Variants in XKR6 observed in about 807,000 individuals in gnomAD.
The protein encoded by XKR6 is XK-related protein 6.
XKR6 carries 22 observed loss-of-function variants against 56.7 expected under a neutral mutation model. The observed-to-expected ratio is 0.39, with a 90% CI of 0.28 to 0.55. The LOEUF is 0.55. Ranked by LOEUF, XKR6 falls within the 20% of genes least tolerant of loss-of-function variation. The probability of loss-of-function intolerance (pLI) is 0.66; values close to 1 mark genes in which losing one functional copy is unlikely to be tolerated. For missense variants in XKR6, 852 were observed against 889.0 expected (o/e 0.96, Z 0.53); for synonymous variants, 524 against 387.8 (o/e 1.35, Z -4.13).
At chr8:11,161,028 C>T (rs1405875236) in intron 1 of XKR6, among the ~76,000 whole-genome samples, 2 of 151,770 alleles carry the variant, frequency 1.3e-5, no homozygotes, top group African/African-American at 2.4e-5. Flanking sequence ...CCCTTCTAAC[C>T]TTAAGATTTT....
At chr8:10,924,556 C>A in intron 2 of XKR6, 78 bp downstream of exon 2, 3 of 1,519,494 alleles carry the variant, frequency 2.0e-6, no homozygotes, top group Non-Finnish European at 2.7e-6. Flanking sequence ...GTGCCAGGCA[C>A]GAAGTGTGTG....
chr8:11,043,997 A>G (rs1799348037), intron 1 of XKR6, among the ~76,000 whole-genome samples: 1 of 152,324 alleles, frequency 6.6e-6, no homozygotes, highest in Middle Eastern at 3.4e-3. Flanking sequence ...GCTAAACAAC[A>G]CTTGCCTCAA....
At chr8:11,027,916 C>G (rs940286997) in intron 1 of XKR6, among the ~76,000 whole-genome samples, 11 of 152,202 alleles carry the variant, frequency 7.2e-5, no homozygotes, top group African/African-American at 2.4e-4. Flanking sequence ...TCCCACCCCT[C>G]CAGAGTGGTG....
chr8:11,176,146 A>T (rs566873155), intron 1 of XKR6, among the ~76,000 whole-genome samples: 2 of 152,344 alleles, frequency 1.3e-5, no homozygotes, highest in African/African-American at 4.8e-5. Flanking sequence ...AGCATCTTTA[A>T]AACACCTTTA....
intron 1 of XKR6, among the ~76,000 whole-genome samples, chr8:11,183,469 A>G (rs952225580): frequency 6.9e-6 from 1 of 144,814 alleles, no homozygotes; most frequent in Non-Finnish European, 1.5e-5. Flanking sequence ...GCGCCACCAC[A>G]CCTGTCTAGT....
In XKR6 at chr8:11,055,266, A is replaced by G. The variant is rs1465927955; in HGVS notation, c.765-130436T>C. On this transcript the variant is annotated intron_variant, in intron 1 of 2. Coordinates refer to ENST00000416569, the MANE Select transcript of XKR6 (RefSeq NM_173683.4). ...TGGATGAAAGGATATCACTAAGAGG[A>G]AACATGGAGGCTGCAGGCAGGCCAA... 2.0e-5 allele frequency among the ~76,000 whole-genome samples: 3 copies of G among 152,084 alleles called. No homozygotes were observed. The East Asian group carries it at 5.8e-4, about 29-fold the overall frequency.
At chr8:10,923,097 T>C (rs1800769196) in intron 2 of XKR6, among the ~76,000 whole-genome samples, 1 of 152,190 alleles carries the variant, frequency 6.6e-6, no homozygotes, top group African/African-American at 2.4e-5. Context: ...CTGCTGAAGA[T>C]CCCCATACCC....
intron 2 of XKR6, among the ~76,000 whole-genome samples, chr8:10,918,041 C>T (rs1444213717): frequency 2.0e-5 from 3 of 152,238 alleles, no homozygotes; most frequent in Non-Finnish European, 4.4e-5. Flanking sequence ...TATCATCCCA[C>T]ATCCATCTCC....
chr8:10,913,029 G>A (rs1800454143), intron 2 of XKR6, among the ~76,000 whole-genome samples: 1 of 139,688 alleles, frequency 7.2e-6, no homozygotes, highest in Non-Finnish European at 1.6e-5. Flanking sequence ...GGAGAGAAAG[G>A]GTGTGTGTGC....
intron 1 of XKR6, among the ~76,000 whole-genome samples, chr8:11,056,941 C>T (rs1239632234): frequency 6.6e-6 from 1 of 152,178 alleles, no homozygotes; most frequent in African/African-American, 2.4e-5. Context: ...GGCTAAGAAA[C>T]CCACAGGCAA....
At position 10,936,159 on chromosome 8, in the gene XKR6, CTTCT is replaced by C. The variant is rs1207177498; in HGVS notation, c.765-11333_765-11330del. Among the ~76,000 whole-genome samples the C allele has an allele frequency of 6.0e-4, 89 of 149,308 alleles. No homozygotes were observed. In the East Asian group the frequency reaches 0.015, roughly 25 times the overall value. On this transcript the variant is annotated intron_variant, in intron 1 of 2. Coordinates refer to ENST00000416569, the MANE Select transcript of XKR6 (RefSeq NM_173683.4). ...GATCCCTTTACCATTATGTAATGGCCTTCTTTGTCTCTTTTGATCTTTGTTGGTT... is the reference window on the plus strand; with the variant it reads ...GATCCCTTTACCATTATGTAATGGCCTTGTCTCTTTTGATCTTTGTTGGTT...
chr8:10,906,522 A>G (rs773538608), intron 2 of XKR6, among the ~76,000 whole-genome samples: 1 of 152,256 alleles, frequency 6.6e-6, no homozygotes. Context: ...AAATATGTAC[A>G]CAGGAAATAA....
At chr8:11,140,586 C>G (rs1030077326) in intron 1 of XKR6, among the ~76,000 whole-genome samples, 2 of 152,112 alleles carry the variant, frequency 1.3e-5, no homozygotes, top group Admixed American at 1.3e-4. Flanking sequence ...GACAAGGATT[C>G]AAGATATGTT....
chr8:11,083,713 T>C (rs551036679), intron 1 of XKR6, among the ~76,000 whole-genome samples: 4 of 152,198 alleles, frequency 2.6e-5, no homozygotes, highest in East Asian at 1.9e-4. Flanking sequence ...AAGTGTCCAA[T>C]AGGAAGGGAA....
At chr8:11,004,489 A>AAATG (rs1038655439) in intron 1 of XKR6, among the ~76,000 whole-genome samples, 4 of 151,840 alleles carry the variant, frequency 2.6e-5, no homozygotes, top group African/African-American at 9.7e-5. Context: ...ATAAATAAAT[A>AAATG]AATAAATAAA....
Position 10,982,356 on chromosome 8 carries a change from G to A in XKR6, c.765-57526C>T, listed in dbSNP as rs1797755180. Among the ~76,000 whole-genome samples, 3 of 152,320 alleles carry A rather than the reference G, an allele frequency of 2.0e-5. No homozygotes were observed. In the South Asian group the frequency reaches 6.2e-4, roughly 32 times the overall value. ...TATGTATTCTGTTTTTTCTGTCTAA[G>A]ATGTCATAGGATAATGCATTCAAAA... is the stretch of plus-strand genomic sequence containing the variant. On this transcript the variant is annotated intron_variant, in intron 1 of 2. Transcript: ENST00000416569.
chr8:11,138,558 G>C (rs746590742), intron 1 of XKR6: 9 of 152,174 alleles, frequency 5.9e-5, no homozygotes, highest in African/African-American at 2.2e-4. Context: ...AAATAATTAA[G>C]TGGAGAAACC....
At chr8:11,185,073 C>G (rs901454271) in intron 1 of XKR6, among the ~76,000 whole-genome samples, 1 of 152,102 alleles carries the variant, frequency 6.6e-6, no homozygotes, top group African/African-American at 2.4e-5. Context: ...GGTTTATTAA[C>G]GCATTTACCT....
chr8:11,177,182 G>A (rs139240942), intron 1 of XKR6, among the ~76,000 whole-genome samples: 415 of 152,308 alleles, frequency 2.7e-3, no homozygotes, highest in Non-Finnish European at 4.2e-3. Flanking sequence ...GCTTTGGCAC[G>A]CAGGTAGGTG....
Sources: gnomAD v4.1 joint callset for allele counts (sites outside exome capture counted in the v4.1 genomes callset) on GRCh38, gnomAD v4.1.1 for gene constraint, MANE v1.5 for transcripts, NCBI Gene and HGNC (gene_info 2026-07-23, HGNC 2026-07-21) for gene names.